Variants in ABCA9 observed in about 807,000 individuals in gnomAD.
ABCA9 encodes ATP binding cassette subfamily A member 9.
A neutral mutation model predicts 205.3 loss-of-function variants in ABCA9; 183 were observed. The ratio of observed to expected loss-of-function variants is 0.89; its 90% CI spans 0.79 to 1.01. The LOEUF (loss-of-function observed/expected upper bound fraction) is 1.01, where lower values mean the gene tolerates loss of function less well. ABCA9 is among the 50% of genes least tolerant of loss of function. The pLI, the probability that ABCA9 is intolerant of heterozygous loss-of-function variation, is 0.00. For missense variants in ABCA9, 1,805 were observed against 1,912.4 expected (o/e 0.94, Z 1.05); for synonymous variants, 651 against 683.3 (o/e 0.95, Z 0.74).
the ABCA9 span, among the ~76,000 whole-genome samples, chr17:69,076,890 AT>A: frequency 5.8e-4 from 87 of 149,950 alleles, no homozygotes; most frequent in Non-Finnish European, 1.0e-3. Flanking sequence ...GCTTATTTGG[AT>A]TTTCTCTCTT....
intron 22 of ABCA9, among the ~76,000 whole-genome samples, chr17:69,014,009 G>A (rs1319004286): frequency 6.6e-6 from 1 of 152,094 alleles, no homozygotes; most frequent in Non-Finnish European, 1.5e-5. Flanking sequence ...TTAAAGGTGG[G>A]AATTCAGGTC....
chr17:68,995,955 A>C lies in ABCA9; in HGVS notation c.3495T>G (p.Phe1165Leu). ...DLNEYGFLGL[F>L]FGTMLIPPFT... ...AGGGAGGTATTAACATGGTGCCAAA[A>C]AATAGCCCTAGAAATCCATATTCAT... is the stretch of plus-strand genomic sequence containing the variant. Residue 1165 changes from phenylalanine to leucine, a missense_variant, in exon 26 of 39, where the codon TTT (phenylalanine) becomes TTG (leucine). Physicochemically the swap from Phe to Leu is conservative, Grantham distance 22. Transcript: ENST00000340001. 6.2e-7 allele frequency: 1 copy of C among 1,613,864 alleles called. No individual in the cohort carries two copies.
chr17:68,978,168 A>G (rs2068940790), intron 37 of ABCA9, among the ~76,000 whole-genome samples: 1 of 152,216 alleles, frequency 6.6e-6, no homozygotes, highest in Non-Finnish European at 1.5e-5. Flanking sequence ...GGGTGCACAT[A>G]TATTTAGGAA....
At chr17:69,032,690 C>G (rs2071193854) in intron 9 of ABCA9, 1 of 155,162 alleles carries the variant, frequency 6.4e-6, no homozygotes, top group African/African-American at 2.4e-5. Flanking sequence ...ACCTCTGCTT[C>G]CCGGGTTCAA....
At chr17:69,019,128 T>G (rs1459582397) in intron 19 of ABCA9, among the ~76,000 whole-genome samples, 1 of 152,114 alleles carries the variant, frequency 6.6e-6, no homozygotes, top group African/African-American at 2.4e-5. Context: ...TCTCTCTTCC[T>G]CTTCTTAAGT....
intron 22 of ABCA9, among the ~76,000 whole-genome samples, chr17:69,013,544 G>C (rs983220331): frequency 2.6e-5 from 4 of 151,964 alleles, no homozygotes; most frequent in African/African-American, 9.7e-5. Context: ...CTCTGGGGGA[G>C]GAAAAAATCA....
At chr17:69,026,588 A>G in intron 15 of ABCA9, 121 bp from the exon 16 acceptor site, 1 of 911,520 alleles carries the variant, frequency 1.1e-6, no homozygotes, top group Non-Finnish European at 1.7e-6. Context: ...ATATACTCTA[A>G]TTCTGGCCAT....
chr17:69,059,245 T>C (rs2072160086), intron 1 of ABCA9, among the ~76,000 whole-genome samples: 2 of 152,142 alleles, frequency 1.3e-5, no homozygotes, highest in African/African-American at 4.8e-5. Flanking sequence ...ATCCTGGAAT[T>C]TGTGAATATG....
chr17:69,017,902 C>A, intron 20 of ABCA9, 113 bp from the exon 21 acceptor site: 1 of 1,235,474 alleles, frequency 8.1e-7, no homozygotes. Context: ...CTGTCTAAGG[C>A]TTTTCTTAAA....
At chr17:69,013,720 G>A (rs904632549) in intron 22 of ABCA9, among the ~76,000 whole-genome samples, 3 of 152,070 alleles carry the variant, frequency 2.0e-5, no homozygotes, top group South Asian at 2.1e-4. Flanking sequence ...TAGTTTGGCC[G>A]GGTGATGACT....
chr17:68,993,133 C>A, intron 26 of ABCA9, 49 bp from the exon 27 acceptor site: 1 of 1,493,528 alleles, frequency 6.7e-7, no homozygotes, highest in South Asian at 1.2e-5. Flanking sequence ...TTTATTTATT[C>A]ATGGAATTTA....
At chr17:69,040,689 T>C (rs1055279586) in intron 6 of ABCA9, among the ~76,000 whole-genome samples, 2 of 152,116 alleles carry the variant, frequency 1.3e-5, no homozygotes, top group African/African-American at 4.8e-5. Context: ...ACCTGCACAT[T>C]CTGCACATGT....
chr17:68,975,550 CA>C lies in ABCA9; in HGVS notation c.*364del, dbSNP rs1187029813. 3.4e-5 allele frequency: 3 copies of C among 89,286 alleles called. No individual in the cohort carries two copies. The highest frequency in any genetic ancestry group is 3.0e-4 in the Admixed American group (3 of 10,128). 5.5% of individuals were successfully genotyped at this position (89,286 alleles called of 1,614,324 possible). On this transcript the variant is annotated 3_prime_UTR_variant, in exon 39 of 39. Transcript: ENST00000340001. ...AGGGTGTCTTAATTTATACTTTAAT[CA>C]AAAAAATAAATAAGAAAATATTTAA...
At position 69,035,315 on chromosome 17, in the gene ABCA9, A is replaced by G; in HGVS notation, c.1059T>C (p.Arg353=). ...AAGTCCATTCCAAAAATGCAGGAAG[A>G]CGTGTATACAATGCTGGGAATCCCA... ...GILGFPALYT[R]LPAFLEWTLC... Residue 353 remains arginine (R), a synonymous_variant, in exon 8 of 39, where the codon CGT becomes CGC. Transcript: ENST00000340001. The G allele has an allele frequency of 1.9e-6, 3 of 1,608,646 alleles. No individual in the cohort carries two copies. The highest frequency in any genetic ancestry group is 2.5e-6 in the Non-Finnish European group (3 of 1,177,200).
chr17:69,046,410 G>T (rs981761406), intron 3 of ABCA9, among the ~76,000 whole-genome samples: 1 of 152,054 alleles, frequency 6.6e-6, no homozygotes, highest in Non-Finnish European at 1.5e-5. Flanking sequence ...TTTGCCAGCC[G>T]ATAGGTGTTG....
the ABCA9 span, among the ~76,000 whole-genome samples, chr17:69,069,235 AT>A: frequency 6.6e-6 from 1 of 152,226 alleles, no homozygotes; most frequent in Non-Finnish European, 1.5e-5. Flanking sequence ...AATACAGAGA[AT>A]CACAGCCAAG....
chr17:68,978,500 A>G (rs1468796594), intron 37 of ABCA9, among the ~76,000 whole-genome samples: 1 of 152,054 alleles, frequency 6.6e-6, no homozygotes, highest in African/African-American at 2.4e-5. Context: ...TGTGAATTTG[A>G]TCCTGTCATT....
intron 17 of ABCA9, chr17:69,022,070 C>G: frequency 3.5e-6 from 1 of 286,988 alleles, no homozygotes; most frequent in Admixed American, 5.2e-5. Context: ...TTTATTTTTT[C>G]ACTCTTAGGA....
Position 69,026,482 on chromosome 17 carries a change from T to C in ABCA9, c.2051-15A>G. The C allele has an allele frequency of 1.9e-6, 3 of 1,599,550 alleles. No homozygotes were observed. The highest frequency in any genetic ancestry group is 2.6e-6 in the Non-Finnish European group (3 of 1,167,836). On this transcript the variant is annotated splice_polypyrimidine_tract_variant and intron_variant, in intron 15 of 38. Transcript: ENST00000340001. ...CACCTTCCTGTCTAGTTAGAAATAA[T>C]CAAAAGATAAGTTACATGAAGGACT...
Sources: allele counts gnomAD v4.1 joint callset (sites outside exome capture counted in the v4.1 genomes callset), GRCh38; gene constraint gnomAD v4.1.1; transcripts MANE v1.5; gene names NCBI Gene and HGNC (gene_info 2026-07-23, HGNC 2026-07-21).